The following INPP5B variants were observed in gnomAD, a reference collection of about 807,000 sequenced individuals.
The protein encoded by INPP5B is inositol polyphosphate-5-phosphatase B.
Under a neutral mutation model 118.5 loss-of-function variants are expected in INPP5B, and 90 were observed. The ratio of observed to expected loss-of-function variants is 0.76; its 90% CI spans 0.64 to 0.90. The LOEUF is 0.90. Among genes scored for constraint, INPP5B ranks in the 40% least tolerant of loss-of-function variants. The probability of loss-of-function intolerance (pLI) is 0.00; values close to 1 mark genes in which losing one functional copy is unlikely to be tolerated. For missense variants in INPP5B, 984 were observed against 1,125.6 expected (o/e 0.87, Z 1.80); for synonymous variants, 385 against 418.9 (o/e 0.92, Z 0.99).
At chr1:37,919,236 T>C (rs571675363) in intron 7 of INPP5B, among the ~76,000 whole-genome samples, 1 of 152,302 alleles carries the variant, frequency 6.6e-6, no homozygotes. Flanking sequence ...TGGCTGTCAC[T>C]GCTGGGTGGA....
chr1:37,927,745 G>C (rs1322411929), intron 7 of INPP5B, among the ~76,000 whole-genome samples: 1 of 151,916 alleles, frequency 6.6e-6, no homozygotes, highest in African/African-American at 2.4e-5. Context: ...CACCATGTTA[G>C]CCAGGATGGT....
At chr1:37,915,838 A>G (rs1570280127) in intron 7 of INPP5B, among the ~76,000 whole-genome samples, 1 of 152,238 alleles carries the variant, frequency 6.6e-6, no homozygotes, top group East Asian at 1.9e-4. Context: ...GACACGTTAT[A>G]TTGAGAAAGT....
intron 23 of INPP5B, among the ~76,000 whole-genome samples, chr1:37,862,973 G>C (rs1557609538): frequency 6.6e-6 from 1 of 152,210 alleles, no homozygotes; most frequent in Non-Finnish European, 1.5e-5. Flanking sequence ...AGCCCTGCTT[G>C]GTGTCCTGCC....
chr1:37,898,693 C>CAA (rs57492258), intron 7 of INPP5B, among the ~76,000 whole-genome samples: 23 of 117,338 alleles, frequency 2.0e-4, no homozygotes, highest in African/African-American at 4.5e-4. Flanking sequence ...GACTCTGTCT[C>CAA]AAAAAAAAAA....
At chr1:37,901,336 G>A (rs781134370) in intron 7 of INPP5B, among the ~76,000 whole-genome samples, 11 of 151,954 alleles carry the variant, frequency 7.2e-5, no homozygotes, top group Non-Finnish European at 1.3e-4. Flanking sequence ...TTTGGGTCTC[G>A]GTTTCTTCAT....
rs41267343 is a variant in INPP5B, at chr1:37,945,979, G to A, written c.58-129C>T. 0.037 allele frequency: 29,389 copies of A among 804,112 alleles called. 696 individuals carry two copies. The highest frequency in any genetic ancestry group is 0.047 in the Non-Finnish European group (23,415 of 496,430). 49.8% of individuals were successfully genotyped at this position (804,112 alleles called of 1,614,324 possible). A position where few individuals can be genotyped will look rare whatever the true frequency, so the allele number is the denominator to read the frequency against. ...GGCCTTGGGTGAGCACTCAAACCAT[G>A]TGCTGAACTAACAGACAAACAGGCT... On this transcript the variant is annotated intron_variant, in intron 2 of 23. Transcript: ENST00000373024.
intron 7 of INPP5B, among the ~76,000 whole-genome samples, chr1:37,927,678 AG>A (rs1285565026): frequency 6.6e-6 from 1 of 151,646 alleles, no homozygotes; most frequent in Non-Finnish European, 1.5e-5. Context: ...CTGGGACTAC[AG>A]GCGCCCACCA....
At chr1:37,888,700 A>G (rs1643676430) in intron 9 of INPP5B, among the ~76,000 whole-genome samples, 1 of 152,244 alleles carries the variant, frequency 6.6e-6, no homozygotes. Context: ...AGAAAGCAAC[A>G]CCAGTATTCA....
At chr1:37,932,188 G>T in intron 6 of INPP5B, 135 bp from the exon 7 acceptor site, 1 of 921,436 alleles carries the variant, frequency 1.1e-6, no homozygotes, top group Non-Finnish European at 1.6e-6. Flanking sequence ...AGGTTCAAAT[G>T]CAAGAATAAT....
At chr1:37,880,413 G>C (rs1643123451) in intron 14 of INPP5B, among the ~76,000 whole-genome samples, 1 of 144,564 alleles carries the variant, frequency 6.9e-6, no homozygotes, top group African/African-American at 2.6e-5. Flanking sequence ...TATTTTTTAA[G>C]TTTTTAATGT....
At chr1:37,945,723 C>T in intron 3 of INPP5B, 33 bp downstream of exon 3, 1 of 1,542,058 alleles carries the variant, frequency 6.5e-7, no homozygotes, top group Non-Finnish European at 9.0e-7. Flanking sequence ...AACCCCATGG[C>T]CCAGACAGGT....
At chr1:37,933,959 A>C (rs1645593215) in intron 6 of INPP5B, among the ~76,000 whole-genome samples, 1 of 147,984 alleles carries the variant, frequency 6.8e-6, no homozygotes, top group African/African-American at 2.5e-5. Context: ...TTTGGGACAA[A>C]CTCTTGCTCT....
intron 7 of INPP5B, among the ~76,000 whole-genome samples, chr1:37,919,105 ACAT>A (rs1197913432): frequency 6.6e-6 from 1 of 152,186 alleles, no homozygotes; most frequent in Non-Finnish European, 1.5e-5. Flanking sequence ...ATGCATGAGG[ACAT>A]CATCATCAAT....
chr1:37,885,554 C>T (rs1643478778), intron 13 of INPP5B, 84 bp downstream of exon 13: 14 of 1,207,222 alleles, frequency 1.2e-5, no homozygotes, highest in Non-Finnish European at 1.5e-5. Flanking sequence ...AGGAAACCAC[C>T]ACCAGGCATC....
chr1:37,902,063 G>A (rs1044383426), intron 7 of INPP5B, among the ~76,000 whole-genome samples: 4 of 151,370 alleles, frequency 2.6e-5, no homozygotes, highest in Non-Finnish European at 4.4e-5. Flanking sequence ...CTCAGCTCAC[G>A]GCTCCTCTGT....
chr1:37,888,523 T>A (rs1643665916), intron 9 of INPP5B, among the ~76,000 whole-genome samples, 179 bp from the exon 10 acceptor site: 1 of 152,208 alleles, frequency 6.6e-6, no homozygotes, highest in Non-Finnish European at 1.5e-5. Flanking sequence ...CGGTCTGTCA[T>A]GGTATCTGTT....
chr1:37,937,601 A>G (rs1645744337), intron 6 of INPP5B, among the ~76,000 whole-genome samples: 1 of 149,380 alleles, frequency 6.7e-6, no homozygotes, highest in South Asian at 2.1e-4. Context: ...ACCTGTCTCT[A>G]CCAAAAAATA....
rs773564879 is a variant in INPP5B, at chr1:37,865,742, G to A, written c.2514+19C>T. On this transcript the variant is annotated intron_variant, in intron 22 of 23. Transcript: ENST00000373024. ...TGGGGTCTGGGGCTAACCACATGCT[G>A]CTCAATGCTTCCTCTCACCTGTTTG... is the stretch of plus-strand genomic sequence containing the variant. 1 of 1,610,804 alleles carries A rather than the reference G, an allele frequency of 6.2e-7. No homozygotes were observed. The highest frequency in any genetic ancestry group is 8.5e-7 in the Non-Finnish European group (1 of 1,178,050).
rs1308121640 is a variant in INPP5B at position 37,888,337 on chromosome 1, C to CA, written c.804dup (p.Ala269CysfsTer37). 4 of 1,528,364 alleles carry CA rather than the reference C, an allele frequency of 2.6e-6. No homozygotes were observed. Among genetic ancestry groups the CA allele is most frequent in the Non-Finnish European group, 2.6e-6 (3 of 1,138,194 alleles). 94.7% of individuals were successfully genotyped at this position (1,528,364 alleles called of 1,614,324 possible). A position where few individuals can be genotyped will look rare whatever the true frequency, so the allele number is the denominator to read the frequency against. ...TGCCCATTTACATTGTATGTTCCCG[C>CA]AAAAAACCTGTCACCAAAGAGAAAT... On this transcript the variant is annotated frameshift_variant, in exon 10 of 24. Transcript: ENST00000373024. LOFTEE classifies it high-confidence loss of function.
Sources: allele counts gnomAD v4.1 joint callset (sites outside exome capture counted in the v4.1 genomes callset), GRCh38; gene constraint gnomAD v4.1.1; transcripts MANE v1.5; gene names NCBI Gene and HGNC (gene_info 2026-07-23, HGNC 2026-07-21).